Variants in AAK1 observed in about 807,000 individuals in gnomAD.
AAK1 encodes the protein AP2-associated protein kinase 1.
In AAK1, 37 loss-of-function variants were observed where a neutral mutation model predicts 116.0. The observed-to-expected ratio is 0.32, with a 90% CI of 0.25 to 0.42. The LOEUF (loss-of-function observed/expected upper bound fraction) is 0.42. Among genes scored for constraint, AAK1 ranks in the 10% least tolerant of loss-of-function variants. AAK1 has a pLI of 1.00. For synonymous variants in AAK1, 458 were observed against 439.9 expected, an observed-to-expected ratio of 1.04 and a Z score of -0.51; for missense variants, 919 against 1,170.6, an observed-to-expected ratio of 0.79 and a Z score of 3.14.
intron 9 of AAK1, among the ~76,000 whole-genome samples, chr2:69,526,241 C>T (rs1670020099): frequency 6.6e-6 from 1 of 152,142 alleles, no homozygotes; most frequent in South Asian, 2.1e-4. Context: ...GCTGCATCTT[C>T]TGACTCAAGC....
Position 69,474,302 on chromosome 2 carries a change from T to G in AAK1, c.*1567A>C. ...GATCTGATTAACTAAGAGTTTCCCT[T>G]TTGATGATGGACAATGGCACTAGAG... On this transcript the variant is annotated 3_prime_UTR_variant, in exon 22 of 22. Coordinates refer to ENST00000409085, the MANE Select transcript of AAK1 (RefSeq NM_014911.5). The G allele has an allele frequency of 1.0e-6, 1 of 985,832 alleles. No individual in the cohort carries two copies. 61.1% of individuals were successfully genotyped at this position (985,832 alleles called of 1,614,324 possible). A position where few individuals can be genotyped will look rare whatever the true frequency, so the allele number is the denominator to read the frequency against.
intron 17 of AAK1, among the ~76,000 whole-genome samples, chr2:69,493,869 AGG>A (rs1353872298): frequency 6.6e-6 from 1 of 152,170 alleles, no homozygotes; most frequent in Non-Finnish European, 1.5e-5. Flanking sequence ...CAAAGTCCCC[AGG>A]GTGGGAACAA....
intron 11 of AAK1, chr2:69,520,162 C>G (rs190931719): frequency 1.3e-5 from 3 of 224,164 alleles, no homozygotes; most frequent in East Asian, 2.2e-4. Context: ...GGACTGAACT[C>G]AACACTTTGG....
chr2:69,614,857 T>C (rs559666659), intron 2 of AAK1, among the ~76,000 whole-genome samples: 1 of 152,116 alleles, frequency 6.6e-6, no homozygotes, highest in African/African-American at 2.4e-5. Context: ...ACTGGAGTGA[T>C]GGAGCCACAA....
intron 2 of AAK1, among the ~76,000 whole-genome samples, chr2:69,588,572 G>C (rs1028310772): frequency 1.6e-4 from 25 of 152,224 alleles, no homozygotes; most frequent in African/African-American, 5.8e-4. Flanking sequence ...AGCAGGCCTA[G>C]TCCTGGATGC....
chr2:69,551,986 A>G (rs1255580337), intron 3 of AAK1, among the ~76,000 whole-genome samples: 1 of 152,114 alleles, frequency 6.6e-6, no homozygotes, highest in African/African-American at 2.4e-5. Flanking sequence ...GAACACCCAA[A>G]CCTCAGCATA....
chr2:69,570,172 C>T (rs1259005158), intron 2 of AAK1, among the ~76,000 whole-genome samples: 6 of 152,030 alleles, frequency 3.9e-5, no homozygotes, highest in African/African-American at 7.2e-5. Context: ...TCAATACTCC[C>T]TCTTCCTCAC....
At chr2:69,536,456 G>C (rs1432321041) in intron 5 of AAK1, among the ~76,000 whole-genome samples, 1 of 152,204 alleles carries the variant, frequency 6.6e-6, no homozygotes, top group African/African-American at 2.4e-5. Flanking sequence ...GTAAGCAGGT[G>C]TGAATAGATT....
At chr2:69,559,937 A>G (rs1374928771) in intron 2 of AAK1, among the ~76,000 whole-genome samples, 1 of 152,218 alleles carries the variant, frequency 6.6e-6, no homozygotes, top group Non-Finnish European at 1.5e-5. Context: ...GCCAGGACTG[A>G]AGAAATGGGT....
chr2:69,487,787 C>CTT (rs1177565486), intron 17 of AAK1, among the ~76,000 whole-genome samples: 23 of 122,786 alleles, frequency 1.9e-4, no homozygotes, highest in Non-Finnish European at 3.0e-4. Context: ...TGTTTGTTTG[C>CTT]TTTTTTTTTT....
intron 2 of AAK1, among the ~76,000 whole-genome samples, chr2:69,570,785 C>A (rs1003003607): frequency 6.6e-6 from 1 of 152,180 alleles, no homozygotes; most frequent in Non-Finnish European, 1.5e-5. Context: ...TGATCATCTA[C>A]AAGATTAAAT....
intron 2 of AAK1, among the ~76,000 whole-genome samples, chr2:69,587,412 T>A (rs1392958626): frequency 1.3e-5 from 2 of 151,496 alleles, no homozygotes; most frequent in Non-Finnish European, 2.9e-5. Context: ...TATACACATG[T>A]GTATATATAC....
chr2:69,527,303 T>C lies in AAK1; in HGVS notation c.888A>G (p.Pro296=), dbSNP rs369859907. 6.4e-5 allele frequency: 103 copies of C among 1,604,786 alleles called. No individual in the cohort carries two copies. The highest frequency in any genetic ancestry group is 8.4e-5 in the Non-Finnish European group (99 of 1,174,436). The change falls in exon 9 of 22, where the codon CCA becomes CCG. Residue 296 remains proline, a synonymous_variant. Transcript: ENST00000409085. The part of the protein sequence containing the change: ...MHCLIRYMLE[P]DPDKRPDIYQ... Reference sequence around the variant, plus strand: ...AAATATCCGGCCTTTTGTCAGGGTCTGGTTCCAACATATACCCTAAGGCAA... The same window carrying C: ...AAATATCCGGCCTTTTGTCAGGGTCCGGTTCCAACATATACCCTAAGGCAA...
At chr2:69,592,268 C>T (rs1440351744) in intron 2 of AAK1, among the ~76,000 whole-genome samples, 1 of 152,166 alleles carries the variant, frequency 6.6e-6, no homozygotes, top group Non-Finnish European at 1.5e-5. Flanking sequence ...GTTTATCATA[C>T]CACTGCTTCT....
intron 5 of AAK1, among the ~76,000 whole-genome samples, chr2:69,537,173 A>C (rs1263622764): frequency 6.6e-6 from 1 of 152,344 alleles, no homozygotes; most frequent in African/African-American, 2.4e-5. Context: ...CAGATCCACA[A>C]CACCATGATC....
rs367550354 is a variant in AAK1 at position 69,565,889 on chromosome 2, C to T, written c.164-8911G>A. Among the ~76,000 whole-genome samples the T allele has an allele frequency of 1.1e-4, 16 of 149,880 alleles. No homozygotes were observed. In the East Asian group the frequency reaches 2.8e-3, roughly 26 times the overall value. On this transcript the variant is annotated intron_variant, in intron 2 of 21. Transcript: ENST00000409085. ...GAGCTTGCGTACACTATGCAGGTGG[C>T]AGAGTGTCCTCTCCACGGTGAGAGC...
At chr2:69,492,518 C>CT (rs987331929) in intron 17 of AAK1, among the ~76,000 whole-genome samples, 4,473 of 83,324 alleles carry the variant, frequency 0.054, 655 homozygotes, top group African/African-American at 0.21. Context: ...CTGGCCAATT[C>CT]TTTTTTTTTT....
intron 1 of AAK1, 27 bp from the exon 2 acceptor site, chr2:69,643,301 G>A: frequency 7.4e-7 from 1 of 1,360,038 alleles, no homozygotes; most frequent in East Asian, 2.8e-5. Context: ...AGAAAGAGAG[G>A]ATGAATCAGT....
intron 2 of AAK1, among the ~76,000 whole-genome samples, chr2:69,570,918 AT>A (rs1198617639): frequency 6.6e-6 from 1 of 151,696 alleles, no homozygotes; most frequent in Non-Finnish European, 1.5e-5. Flanking sequence ...TGGAATGTCC[AT>A]CCCCTCTTTA....
Sources: allele counts gnomAD v4.1 joint callset (sites outside exome capture counted in the v4.1 genomes callset), GRCh38; gene constraint gnomAD v4.1.1; transcripts MANE v1.5; gene names NCBI Gene and HGNC (gene_info 2026-07-23, HGNC 2026-07-21).